OPN5: variants seen among roughly 807,000 people sequenced by gnomAD.
OPN5 encodes opsin-5.
A neutral mutation model predicts 41.7 loss-of-function variants in OPN5; 18 were observed. The ratio of observed to expected loss-of-function variants is 0.43; its 90% confidence interval spans 0.30 to 0.64. The LOEUF is 0.64. Among genes scored for constraint, OPN5 ranks in the 30% least tolerant of loss-of-function variants. The pLI is 0.13. For missense variants in OPN5, 318 were observed against 434.5 expected (o/e 0.73, Z 2.38); for synonymous variants, 178 against 164.3 (o/e 1.08, Z -0.64).
intron 4 of OPN5, among the ~76,000 whole-genome samples, chr6:47,796,753 A>T (rs918228257): frequency 6.6e-5 from 10 of 152,176 alleles, no homozygotes; most frequent in African/African-American, 2.4e-4. Flanking sequence ...TTCTGGTAAT[A>T]TGCCTCTCTC....
At chr6:47,791,430 A>C (rs1316129610) in intron 2 of OPN5, among the ~76,000 whole-genome samples, 1 of 152,230 alleles carries the variant, frequency 6.6e-6, no homozygotes, top group Non-Finnish European at 1.5e-5. Context: ...CGAATGAAAG[A>C]CTGCAACAAC....
At chr6:47,784,561 G>T (rs2113945754) in intron 1 of OPN5, among the ~76,000 whole-genome samples, 1 of 152,230 alleles carries the variant, frequency 6.6e-6, no homozygotes, top group South Asian at 2.1e-4. Flanking sequence ...GCCTCCCAAA[G>T]TGTTGGGATT....
chr6:47,786,645 C>G lies in OPN5; in HGVS notation c.250+11C>G, dbSNP rs1339393844. 6.2e-7 allele frequency: 1 copy of G among 1,611,198 alleles called. No homozygotes were observed. Among genetic ancestry groups the G allele is most frequent in the Non-Finnish European group, 8.5e-7 (1 of 1,177,902 alleles). On this transcript the variant is annotated intron_variant, in intron 2 of 6. Coordinates refer to ENST00000371211, the Ensembl canonical transcript of OPN5. ...ATCTGGGGATTTCAGGTAACACAAC[C>G]ATGCTGTGTTTTCTTTGTGGGTTTA...
At chr6:47,810,002 C>A (rs958376335) in intron 5 of OPN5, among the ~76,000 whole-genome samples, 6 of 152,180 alleles carry the variant, frequency 3.9e-5, no homozygotes, top group Admixed American at 6.5e-5. Flanking sequence ...CAACTGTGAG[C>A]AGCCCATAAA....
chr6:47,823,611 A>G lies in OPN5; in HGVS notation c.1057-372A>G, dbSNP rs1762704051. 1.5e-5 allele frequency: 5 copies of G among 334,954 alleles called. No individual in the cohort carries two copies. In the South Asian group the frequency reaches 4.0e-4, roughly 27 times the overall value. The allele number at this position is 334,954 out of a possible 1,614,324, so 20.7% of individuals were successfully genotyped here. ...GGTATATGGGAGAAAATTAGGCAGT[A>G]CAGGTGAGTAGGGAGAAGATCCTGC... On this transcript the variant is annotated intron_variant, in intron 6 of 6. Coordinates refer to ENST00000371211, the Ensembl canonical transcript of OPN5.
intron 2 of OPN5, among the ~76,000 whole-genome samples, chr6:47,787,835 T>G (rs1412129940): frequency 6.6e-6 from 1 of 152,186 alleles, no homozygotes; most frequent in Non-Finnish European, 1.5e-5. Flanking sequence ...AGTTCAAGGT[T>G]GCAGTGAGCT....
chr6:47,812,735 A>C (rs535222868), intron 6 of OPN5, among the ~76,000 whole-genome samples: 112 of 152,228 alleles, frequency 7.4e-4, no homozygotes, highest in African/African-American at 2.7e-3. Flanking sequence ...GGTGTTCTCT[A>C]TGCTTCTCTA....
At chr6:47,790,405 TTC>T (rs1175661565) in intron 2 of OPN5, among the ~76,000 whole-genome samples, 2 of 146,698 alleles carry the variant, frequency 1.4e-5, no homozygotes, top group African/African-American at 4.9e-5. Context: ...CTCTCTCTCT[TTC>T]TCTCTCTCTG....
intron 2 of OPN5, among the ~76,000 whole-genome samples, chr6:47,789,512 G>A (rs1561890277): frequency 6.6e-6 from 1 of 151,148 alleles, no homozygotes; most frequent in African/African-American, 2.4e-5. Context: ...ACCAGGCATT[G>A]AAAAATTTGT....
At chr6:47,824,205 C>T in exon 7 of OPN5, 1 of 582,508 alleles carries the variant, frequency 1.7e-6, no homozygotes, top group Non-Finnish European at 3.1e-6. Context: ...GGTATAGTGG[C>T]AGAGTTATAA....
intron 4 of OPN5, among the ~76,000 whole-genome samples, chr6:47,803,939 CCTT>C (rs1250126204): frequency 1.3e-5 from 2 of 152,180 alleles, no homozygotes; most frequent in African/African-American, 4.8e-5. Context: ...GAGGGAAACT[CCTT>C]CTTAGAAACA....
intron 4 of OPN5, among the ~76,000 whole-genome samples, chr6:47,804,348 T>C (rs577717393): frequency 6.6e-6 from 1 of 152,178 alleles, no homozygotes; most frequent in East Asian, 1.9e-4. Flanking sequence ...AGTTGATGGG[T>C]ACAGGAGCCT....
chr6:47,814,614 G>C (rs950879468), intron 6 of OPN5, among the ~76,000 whole-genome samples: 25 of 152,186 alleles, frequency 1.6e-4, no homozygotes. Context: ...AATGGAGGAA[G>C]AAAAAACAAG....
downstream of OPN5, chr6:47,826,151 A>G (rs2114026532): frequency 6.6e-6 from 1 of 152,234 alleles, no homozygotes; most frequent in Non-Finnish European, 1.5e-5. Flanking sequence ...CCATGTATCC[A>G]TCATCCAGCC....
chr6:47,806,418 C>T (rs1313046519), intron 4 of OPN5, among the ~76,000 whole-genome samples: 2 of 152,066 alleles, frequency 1.3e-5, no homozygotes, highest in African/African-American at 4.8e-5. Context: ...TAGACTCTTG[C>T]CTAACCAAGC....
chr6:47,803,086 G>A (rs1050647926), intron 4 of OPN5, among the ~76,000 whole-genome samples: 1 of 152,094 alleles, frequency 6.6e-6, no homozygotes, highest in African/African-American at 2.4e-5. Flanking sequence ...GTTTAGGATA[G>A]TTGACCTTAA....
At chr6:47,795,525 A>G in exon 4 of OPN5, 1 of 1,614,018 alleles carries the variant, frequency 6.2e-7, no homozygotes, top group South Asian at 1.1e-5. Flanking sequence ...CGACAGTCGG[A>G]TCCATAGCAG....
chr6:47,797,153 G>A lies in OPN5; in HGVS notation c.756+1590G>A, dbSNP rs952756801. ...CTACAATTCAAGATGAGATCTGGGT[G>A]GGGGGACAGCCAAACCATATCACAT... is the stretch of plus-strand genomic sequence containing the variant. On this transcript the variant is annotated intron_variant, in intron 4 of 6. Coordinates refer to ENST00000371211, the Ensembl canonical transcript of OPN5. Among the ~76,000 whole-genome samples, 3 of 152,240 alleles carry A rather than the reference G, an allele frequency of 2.0e-5. No individual in the cohort carries two copies. The East Asian group carries it at 5.8e-4, about 29-fold the overall frequency.
chr6:47,811,975 T>G, intron 6 of OPN5: 1 of 303,562 alleles, frequency 3.3e-6, no homozygotes, highest in Non-Finnish European at 6.1e-6. Flanking sequence ...TTCTCGTACT[T>G]TAAAACCTAT....
Sources: allele counts gnomAD v4.1 joint callset (sites outside exome capture counted in the v4.1 genomes callset), GRCh38; gene constraint gnomAD v4.1.1; transcripts MANE v1.5; gene names NCBI Gene and HGNC (gene_info 2026-07-23, HGNC 2026-07-21).